The following CDH23 variants were observed in gnomAD, a reference collection of about 807,000 sequenced individuals.
The protein encoded by CDH23 is cadherin-23.
A neutral mutation model predicts 317.1 loss-of-function variants in CDH23; 189 were observed. The ratio of observed to expected loss-of-function variants is 0.60; its 90% confidence interval spans 0.53 to 0.67. CDH23 has a LOEUF of 0.67. CDH23 is among the 30% of genes least tolerant of loss of function. CDH23 has a pLI of 0.00. For missense variants in CDH23, 4,401 were observed against 4,592.4 expected (o/e 0.96, Z 1.20); for synonymous variants, 1,839 against 1,876.8 (o/e 0.98, Z 0.52).
rs200381838 is a variant in CDH23 at position 71,795,566 on chromosome 10, T to TC, written c.6713-1536dup. ...TGCCCCCTCCTCCTCAGCCCTCCAC[T>TC]CCTCCCTTGCCCACTTTGCTACCTT... On this transcript the variant is annotated intron_variant, in intron 48 of 69. Transcript: ENST00000224721. 2.4e-3 allele frequency: 369 copies of TC among 152,948 alleles called. 2 individuals carry two copies. Among genetic ancestry groups the TC allele is most frequent in the East Asian group, 5.0e-3 (26 of 5,174 alleles). 9.5% of individuals were successfully genotyped at this position (152,948 alleles called of 1,614,324 possible).
At chr10:71,402,745 G>GCA (rs150376431) in intron 1 of CDH23, among the ~76,000 whole-genome samples, 40,528 of 146,986 alleles carry the variant, frequency 0.28, 5,962 homozygotes, top group East Asian at 0.35. Flanking sequence ...GTGTGTGTGT[G>GCA]CACGCGCGCG....
At position 71,677,524 on chromosome 10, in the gene CDH23, G is replaced by T; in HGVS notation, c.1583G>T (p.Arg528Leu). ...IARLDYELIQ[R>L]FTLTIIARDG... ...AGGCTGGACTATGAGCTCATCCAGC[G>T]CTTCACCCTGACGATCATTGCCCGG... Residue 528 changes from arginine to leucine, a missense_variant, in exon 16 of 70, where the codon CGC (arginine) becomes CTC (leucine). Arg to Leu is a moderately radical substitution (Grantham distance 102). This residue lies in a region of CDH23 where 3,068 missense variants were observed against 3,203.3 expected (regional missense o/e 0.96). Coordinates refer to ENST00000224721, the MANE Select transcript of CDH23 (RefSeq NM_022124.6). The T allele has an allele frequency of 6.2e-7, 1 of 1,612,136 alleles. No homozygotes were observed. Among genetic ancestry groups the T allele is most frequent in the Non-Finnish European group, 8.5e-7 (1 of 1,179,360 alleles).
rs372567303 is a variant in CDH23 at position 71,724,134 on chromosome 10, C to T, written c.3430+29C>T. The T allele has an allele frequency of 3.3e-4, 508 of 1,551,454 alleles. 3 individuals are homozygous for T. In the Middle Eastern group the frequency reaches 3.5e-3, roughly 11 times the overall value. ...AGTGGGGCTGCCCTAGGATGGGGGGCGGTCCTCCTGCCCAGGGGAGGGCAG... is the reference window on the plus strand; with the variant it reads ...AGTGGGGCTGCCCTAGGATGGGGGGTGGTCCTCCTGCCCAGGGGAGGGCAG... On this transcript the variant is annotated intron_variant, in intron 29 of 69. Transcript: ENST00000224721.
intron 38 of CDH23, among the ~76,000 whole-genome samples, chr10:71,762,207 G>C (rs902842794): frequency 6.6e-6 from 1 of 152,248 alleles, no homozygotes; most frequent in Non-Finnish European, 1.5e-5. Context: ...CTAGGCTGTT[G>C]TAGGGGGAGT....
intron 11 of CDH23, among the ~76,000 whole-genome samples, chr10:71,623,283 C>T (rs553955924): frequency 6.6e-6 from 1 of 152,350 alleles, no homozygotes; most frequent in East Asian, 1.9e-4. Context: ...CCATGCAGAG[C>T]TGTGGAGGCA....
At chr10:71,649,110 C>A (rs371092377) in intron 14 of CDH23, among the ~76,000 whole-genome samples, 3 of 152,172 alleles carry the variant, frequency 2.0e-5, no homozygotes, top group South Asian at 2.1e-4. Flanking sequence ...CACCCTCCCC[C>A]CTTCCTCTCC....
chr10:71,674,903 C>T (rs922259784), intron 14 of CDH23, among the ~76,000 whole-genome samples: 2 of 152,168 alleles, frequency 1.3e-5, no homozygotes, highest in Non-Finnish European at 1.5e-5. Flanking sequence ...CACCTGGTGG[C>T]GGTGGAGAGG....
At chr10:71,755,241 T>C in intron 38 of CDH23, 1 of 963,148 alleles carries the variant, frequency 1.0e-6, no homozygotes, top group Non-Finnish European at 1.6e-6. Context: ...TGCTCCCAAC[T>C]CTCAAATGAA....
At chr10:71,699,706 C>G (rs1015529376) in intron 22 of CDH23, among the ~76,000 whole-genome samples, 1 of 152,176 alleles carries the variant, frequency 6.6e-6, no homozygotes, top group Non-Finnish European at 1.5e-5. Context: ...GAATTATTCC[C>G]CATCAGGCTA....
intron 16 of CDH23, among the ~76,000 whole-genome samples, chr10:71,677,979 C>G (rs1864446912): frequency 6.6e-6 from 1 of 152,182 alleles, no homozygotes; most frequent in Non-Finnish European, 1.5e-5. Context: ...GCAAGAGGGG[C>G]TGACCTTCTA....
chr10:71,650,437 G>A (rs1455000689), intron 14 of CDH23, among the ~76,000 whole-genome samples: 6 of 152,194 alleles, frequency 3.9e-5, no homozygotes, highest in Non-Finnish European at 7.3e-5. Flanking sequence ...GGCATGTGAG[G>A]TATGCTTGTG....
At chr10:71,587,237 G>T (rs1859138588) in intron 9 of CDH23, among the ~76,000 whole-genome samples, 1 of 152,300 alleles carries the variant, frequency 6.6e-6, no homozygotes, top group South Asian at 2.1e-4. Context: ...TCCTGCTATT[G>T]TTTGCTATTC....
At chr10:71,624,692 C>A (rs1283954911) in intron 11 of CDH23, among the ~76,000 whole-genome samples, 8 of 151,992 alleles carry the variant, frequency 5.3e-5, no homozygotes, top group Non-Finnish European at 4.4e-5. Context: ...AGAGAGAGAA[C>A]CTGTCTCTAA....
chr10:71,623,570 T>C (rs1167991778), intron 11 of CDH23, among the ~76,000 whole-genome samples: 2 of 152,180 alleles, frequency 1.3e-5, no homozygotes, highest in Non-Finnish European at 2.9e-5. Context: ...GATGGCTGTG[T>C]TGAAATGTGC....
chr10:71,691,402 C>G (rs1046096424), intron 20 of CDH23, among the ~76,000 whole-genome samples: 1 of 114,958 alleles, frequency 8.7e-6, no homozygotes, highest in Non-Finnish European at 1.9e-5. Flanking sequence ...AGACATGGCT[C>G]TGACCTCATG....
At chr10:71,790,616 C>T (rs566897679) in intron 46 of CDH23, 70 of 649,750 alleles carry the variant, frequency 1.1e-4, no homozygotes, top group East Asian at 8.0e-4. Context: ...GGCTTGGAGA[C>T]GATACACAGG....
chr10:71,545,732 G>A (rs1310399458), intron 6 of CDH23, among the ~76,000 whole-genome samples: 1 of 152,102 alleles, frequency 6.6e-6, no homozygotes, highest in South Asian at 2.1e-4. Context: ...TGGTGAGAAG[G>A]GCCACAAAGA....
intron 38 of CDH23, 97 bp from the exon 39 acceptor site, chr10:71,777,583 T>A (rs1483824332): frequency 7.4e-5 from 77 of 1,033,564 alleles, no homozygotes; most frequent in Non-Finnish European, 4.3e-6. Context: ...TCTGTTTGAG[T>A]CACATGGAGT....
chr10:71,775,765 G>A (rs961672244), intron 38 of CDH23, among the ~76,000 whole-genome samples: 7 of 152,302 alleles, frequency 4.6e-5, no homozygotes, highest in Admixed American at 4.6e-4. Context: ...ACTCCATCAT[G>A]TGTTTGTGCT....
Sources: gnomAD v4.1 joint callset for allele counts (sites outside exome capture counted in the v4.1 genomes callset) on GRCh38, gnomAD v4.1.1 for gene constraint, gnomAD v4.1.1 regional missense constraint, MANE v1.5 for transcripts, NCBI Gene and HGNC (gene_info 2026-07-23, HGNC 2026-07-21) for gene names.